Variants in HHAT observed in about 807,000 individuals in gnomAD.
The protein encoded by HHAT is protein-cysteine N-palmitoyltransferase HHAT.
HHAT carries 47 observed loss-of-function variants against 70.8 expected under a neutral mutation model. The observed-to-expected ratio is 0.66, with a 90% CI of 0.53 to 0.85. HHAT has a LOEUF of 0.85. Among genes scored for constraint, HHAT ranks in the 40% least tolerant of loss-of-function variants. HHAT has a pLI of 0.00. For synonymous variants in HHAT, 228 were observed against 247.6 expected, an observed-to-expected ratio of 0.92 and a Z score of 0.74; for missense variants, 609 against 604.8, an observed-to-expected ratio of 1.01 and a Z score of -0.07.
chr1:210,534,460 A>G (rs1298985563), intron 9 of HHAT, among the ~76,000 whole-genome samples: 1 of 152,118 alleles, frequency 6.6e-6, no homozygotes, highest in East Asian at 1.9e-4. Context: ...CACGTCCTGT[A>G]CATGTACAGA....
chr1:210,408,509 G>T (rs1172784860), intron 6 of HHAT, among the ~76,000 whole-genome samples: 1 of 152,080 alleles, frequency 6.6e-6, no homozygotes, highest in African/African-American at 2.4e-5. Flanking sequence ...GTGATGATTG[G>T]CCAGAAAGCA....
chr1:210,593,009 C>T (rs184158110), intron 10 of HHAT, among the ~76,000 whole-genome samples: 1 of 152,048 alleles, frequency 6.6e-6, no homozygotes, highest in Admixed American at 6.6e-5. Context: ...AGGTATATCT[C>T]CTAATGCTAT....
chr1:210,633,240 C>T (rs895445386), intron 11 of HHAT, among the ~76,000 whole-genome samples: 1 of 152,216 alleles, frequency 6.6e-6, no homozygotes. Flanking sequence ...AGTCCAGCAG[C>T]TGGAGGGCCA....
At chr1:210,506,346 C>T (rs1281247787) in intron 8 of HHAT, among the ~76,000 whole-genome samples, 6 of 152,154 alleles carry the variant, frequency 3.9e-5, no homozygotes, top group Admixed American at 3.3e-4. Context: ...GCCTGAAACA[C>T]GAACTTGGAA....
At chr1:210,568,513 C>T (rs900010216) in intron 9 of HHAT, among the ~76,000 whole-genome samples, 3 of 151,864 alleles carry the variant, frequency 2.0e-5, no homozygotes, top group Non-Finnish European at 4.4e-5. Flanking sequence ...GCAAAATGCA[C>T]AAAGCAAGGA....
chr1:210,615,512 C>T (rs1667511260), intron 10 of HHAT, among the ~76,000 whole-genome samples: 1 of 152,234 alleles, frequency 6.6e-6, no homozygotes, highest in South Asian at 2.1e-4. Flanking sequence ...AGGAGAGGCA[C>T]TCTGATTTTT....
chr1:210,637,584 G>C (rs897385424), intron 11 of HHAT, among the ~76,000 whole-genome samples: 1 of 152,058 alleles, frequency 6.6e-6, no homozygotes, highest in African/African-American at 2.4e-5. Flanking sequence ...ATGGGCAACC[G>C]GGCATGGTGG....
chr1:210,419,017 A>T (rs559621339), intron 7 of HHAT, among the ~76,000 whole-genome samples: 15 of 149,740 alleles, frequency 1.0e-4, no homozygotes, highest in African/African-American at 3.6e-4. Flanking sequence ...TGGGTGACAA[A>T]GCATGACTCT....
intron 8 of HHAT, among the ~76,000 whole-genome samples, chr1:210,471,323 T>G (rs1364478176): frequency 6.6e-6 from 1 of 152,138 alleles, no homozygotes; most frequent in Non-Finnish European, 1.5e-5. Flanking sequence ...GGCTTTGCCT[T>G]GTAAGGAATC....
chr1:210,622,361 T>A (rs2148871358), intron 10 of HHAT, among the ~76,000 whole-genome samples: 1 of 152,300 alleles, frequency 6.6e-6, no homozygotes, highest in Admixed American at 6.5e-5. Context: ...CCCCTGCATG[T>A]CCCGCTGCTG....
intron 4 of HHAT, among the ~76,000 whole-genome samples, chr1:210,396,357 G>A (rs1353954996): frequency 6.6e-6 from 1 of 152,148 alleles, no homozygotes; most frequent in Non-Finnish European, 1.5e-5. Flanking sequence ...TTTTAAAAGA[G>A]CATGATAAAT....
At chr1:210,641,893 C>A (rs563830634) in intron 11 of HHAT, among the ~76,000 whole-genome samples, 3 of 152,212 alleles carry the variant, frequency 2.0e-5, no homozygotes, top group African/African-American at 7.2e-5. Flanking sequence ...CCTTCTTACA[C>A]CCTCTTCCAC....
At chr1:210,415,148 A>T (rs924909276) in intron 6 of HHAT, among the ~76,000 whole-genome samples, 2 of 152,238 alleles carry the variant, frequency 1.3e-5, no homozygotes, top group Non-Finnish European at 2.9e-5. Flanking sequence ...AGTAGTTTTC[A>T]TGACCATACA....
At chr1:210,411,520 G>A (rs2092553748) in intron 6 of HHAT, among the ~76,000 whole-genome samples, 1 of 152,166 alleles carries the variant, frequency 6.6e-6, no homozygotes, top group Admixed American at 6.5e-5. Context: ...TTGGGAGGCT[G>A]AGGTAGGAGG....
Position 210,567,947 on chromosome 1 carries a change from C to A in HHAT, c.1044-19951C>A, listed in dbSNP as rs534095119. ...TTTCCTGACATACAACTCCTAAAAT[C>A]CTTGGAATCTCTAAAGTTATGTGTC... is the stretch of plus-strand genomic sequence containing the variant. On this transcript the variant is annotated intron_variant, in intron 9 of 11. Transcript: ENST00000261458. Among the ~76,000 whole-genome samples, 6 of 152,304 alleles carry A rather than the reference C, an allele frequency of 3.9e-5. No homozygotes were observed. In the South Asian group the frequency reaches 1.2e-3, roughly 32 times the overall value.
At chr1:210,491,415 T>C (rs950866679) in intron 8 of HHAT, among the ~76,000 whole-genome samples, 1 of 152,134 alleles carries the variant, frequency 6.6e-6, no homozygotes, top group East Asian at 1.9e-4. Flanking sequence ...AGAGAGCTGG[T>C]GGGAAGGCAG....
intron 10 of HHAT, among the ~76,000 whole-genome samples, chr1:210,602,554 C>T (rs982861528): frequency 3.9e-5 from 6 of 152,054 alleles, no homozygotes; most frequent in Non-Finnish European, 5.9e-5. Context: ...GGAAGAAGGG[C>T]GGTTAGAGAG....
intron 9 of HHAT, among the ~76,000 whole-genome samples, chr1:210,565,581 A>G (rs1227291060): frequency 6.6e-6 from 1 of 152,178 alleles, no homozygotes; most frequent in African/African-American, 2.4e-5. Flanking sequence ...GGAAGTATCT[A>G]AAAAAACAGA....
chr1:210,333,728 G>A (rs2085210451), intron 1 of HHAT, among the ~76,000 whole-genome samples: 1 of 151,894 alleles, frequency 6.6e-6, no homozygotes, highest in Non-Finnish European at 1.5e-5. Context: ...CATGATCTCG[G>A]CTCACTGCAA....
Sources: allele counts gnomAD v4.1 joint callset (sites outside exome capture counted in the v4.1 genomes callset), GRCh38; gene constraint gnomAD v4.1.1; transcripts MANE v1.5; gene names NCBI Gene and HGNC (gene_info 2026-07-23, HGNC 2026-07-21).